ADGRD1: variants seen among roughly 807,000 people sequenced by gnomAD.
ADGRD1 encodes the protein G-protein coupled receptor 133.
A neutral mutation model predicts 113.4 loss-of-function variants in ADGRD1; 77 were observed. The observed-to-expected ratio is 0.68, with a 90% CI of 0.57 to 0.82. The LOEUF is 0.82. Ranked by LOEUF, ADGRD1 falls within the 40% of genes least tolerant of loss-of-function variation. The pLI is 0.00. For missense variants in ADGRD1, 1,036 were observed against 1,139.1 expected (o/e 0.91, Z 1.30); for synonymous variants, 474 against 475.0 (o/e 1.00, Z 0.03).
At position 131,112,011 on chromosome 12, in the gene ADGRD1, C is replaced by G. The variant is rs574623286; in HGVS notation, c.2041+3134C>G. Among the ~76,000 whole-genome samples, 3 of 152,246 alleles carry G rather than the reference C, an allele frequency of 2.0e-5. No individual in the cohort carries two copies. The South Asian group carries it at 6.2e-4, about 32-fold the overall frequency. ...CACTTTCTGGTTTCTTTGTATATCT[C>G]ATAGTTTTTTGTTGAAGACTTGTCA... On this transcript the variant is annotated intron_variant, in intron 18 of 24. Coordinates refer to ENST00000261654, the MANE Select transcript of ADGRD1 (RefSeq NM_198827.5).
At chr12:131,002,886 G>C in intron 9 of ADGRD1, 1 of 1,095,564 alleles carries the variant, frequency 9.1e-7, no homozygotes, top group Non-Finnish European at 1.2e-6. Flanking sequence ...TGAGTTCAGG[G>C]AGGAGGCAGG....
At chr12:131,079,878 A>G (rs1263037165) in intron 14 of ADGRD1, among the ~76,000 whole-genome samples, 2 of 152,044 alleles carry the variant, frequency 1.3e-5, no homozygotes, top group Non-Finnish European at 2.9e-5. Context: ...AGTCACTCTT[A>G]CTATAGGTTT....
intron 13 of ADGRD1, among the ~76,000 whole-genome samples, chr12:131,061,337 T>C (rs1884309224): frequency 6.6e-6 from 1 of 152,112 alleles, no homozygotes; most frequent in African/African-American, 2.4e-5. Flanking sequence ...TCACCTGCCG[T>C]CCCCGTCACA....
intron 15 of ADGRD1, among the ~76,000 whole-genome samples, chr12:131,091,450 C>G (rs541315839): frequency 1.1e-4 from 16 of 152,152 alleles, no homozygotes; most frequent in African/African-American, 3.9e-4. Context: ...GATGAAGTCA[C>G]GAAACGCGGT....
At chr12:131,114,412 G>C (rs1056447951) in intron 18 of ADGRD1, among the ~76,000 whole-genome samples, 2 of 152,178 alleles carry the variant, frequency 1.3e-5, no homozygotes, top group African/African-American at 4.8e-5. Flanking sequence ...CCCTGACACA[G>C]CTCTTGCAAA....
chr12:131,067,609 T>C (rs1444328935), intron 13 of ADGRD1, among the ~76,000 whole-genome samples: 4 of 139,020 alleles, frequency 2.9e-5, no homozygotes, highest in African/African-American at 1.1e-4. Flanking sequence ...CTCCTATATG[T>C]CTGATCGCTG....
At chr12:131,018,629 C>G (rs1878933150) in intron 13 of ADGRD1, among the ~76,000 whole-genome samples, 1 of 152,248 alleles carries the variant, frequency 6.6e-6, no homozygotes, top group African/African-American at 2.4e-5. Flanking sequence ...ATGACCGGTG[C>G]AAAATAAAAT....
rs1872112731 is a variant in ADGRD1, at chr12:130,974,800, TGTGGCC to T, written c.310+3221_310+3226del. Among the ~76,000 whole-genome samples the T allele has an allele frequency of 8.7e-4, 7 of 8,068 alleles. No individual in the cohort carries two copies. In the Non-Finnish European group the frequency reaches 0.017, roughly 20 times the overall value. The allele number at this position is 8,068 out of a possible 152,430, so 5.3% of individuals were successfully genotyped here. ...GCCCATAGAAGGCAGAGGTCCCTGC[TGTGGCC>T]CTGCTCCGGACCCCCGCTCCCGGCC... On this transcript the variant is annotated intron_variant, in intron 4 of 24. Transcript: ENST00000261654.
chr12:131,120,251 T>G (rs1950560772), intron 19 of ADGRD1, among the ~76,000 whole-genome samples: 1 of 152,180 alleles, frequency 6.6e-6, no homozygotes, highest in South Asian at 2.1e-4. Context: ...TCTTCGGCTC[T>G]TGACAGTGCC....
intron 24 of ADGRD1, 116 bp from the exon 25 acceptor site, chr12:131,139,052 C>G (rs764716861): frequency 8.2e-6 from 6 of 732,900 alleles, no homozygotes; most frequent in Non-Finnish European, 1.2e-5. Context: ...TGCACCTTTC[C>G]TCCCGCAGGG....
intron 20 of ADGRD1, among the ~76,000 whole-genome samples, chr12:131,126,874 C>G (rs943657096): frequency 1.7e-4 from 26 of 152,088 alleles, no homozygotes; most frequent in African/African-American, 6.3e-4. Context: ...TGTGGGTGTA[C>G]CATACAGCAA....
chr12:131,104,498 T>C (rs942945831), intron 15 of ADGRD1, among the ~76,000 whole-genome samples: 2 of 152,150 alleles, frequency 1.3e-5, no homozygotes, highest in African/African-American at 4.8e-5. Context: ...TGGGGCTGAC[T>C]GTTAGTCTGC....
chr12:131,007,611 C>T (rs1877300252), intron 12 of ADGRD1, among the ~76,000 whole-genome samples: 1 of 152,232 alleles, frequency 6.6e-6, no homozygotes, highest in Non-Finnish European at 1.5e-5. Flanking sequence ...AGGATGCAGG[C>T]CACTGTGTCC....
At chr12:131,126,787 G>GCTTA (rs1950746411) in intron 20 of ADGRD1, among the ~76,000 whole-genome samples, 1 of 152,146 alleles carries the variant, frequency 6.6e-6, no homozygotes, top group South Asian at 2.1e-4. Context: ...GTGGGGAGAT[G>GCTTA]CTTAGCTGCT....
intron 13 of ADGRD1, among the ~76,000 whole-genome samples, chr12:131,061,075 C>T (rs1294040525): frequency 6.6e-6 from 1 of 152,156 alleles, no homozygotes; most frequent in Non-Finnish European, 1.5e-5. Flanking sequence ...GCCCCCACTG[C>T]AGGCCTCAGA....
chr12:131,003,961 C>T lies in ADGRD1; in HGVS notation c.1145-225C>T, dbSNP rs965550366. On this transcript the variant is annotated intron_variant, in intron 10 of 24. Coordinates refer to ENST00000261654, the MANE Select transcript of ADGRD1 (RefSeq NM_198827.5). The surrounding 1 kb of genome is among the most constrained non-coding windows in gnomAD (Gnocchi z 4.8). The stretch of plus-strand genomic sequence containing the variant: ...CGCCCCAGGTGAGGAGCCGCGCGCC[C>T]GTGGGCCGGAATGCTGAGCCTCCCC... 2.0e-5 allele frequency among the ~76,000 whole-genome samples: 3 copies of T among 150,700 alleles called. No homozygotes were observed. Among genetic ancestry groups the T allele is most frequent in the Middle Eastern group, 3.6e-3 (1 of 280 alleles).
At chr12:131,012,875 C>G (rs570844504) in intron 12 of ADGRD1, among the ~76,000 whole-genome samples, 2 of 152,310 alleles carry the variant, frequency 1.3e-5, no homozygotes, top group African/African-American at 2.4e-5. Flanking sequence ...GAGGCCCACA[C>G]AGAAGCAGAC....
Position 131,105,568 on chromosome 12 carries a change from T to G in ADGRD1, c.1776-186T>G, listed in dbSNP as rs540226583. ...CAGACTGTGTAGGGCTGTGTGGGCA[T>G]GGAAGGAGCTGGGGTCAGATCCAAG... On this transcript the variant is annotated intron_variant, in intron 16 of 24. Coordinates refer to ENST00000261654, the MANE Select transcript of ADGRD1 (RefSeq NM_198827.5). Among the ~76,000 whole-genome samples, 4 of 152,136 alleles carry G rather than the reference T, an allele frequency of 2.6e-5. No homozygotes were observed. The East Asian group carries it at 7.7e-4, about 29-fold the overall frequency.
chr12:131,120,133 A>G (rs1950558257), intron 19 of ADGRD1, among the ~76,000 whole-genome samples: 1 of 152,224 alleles, frequency 6.6e-6, no homozygotes, highest in South Asian at 2.1e-4. Flanking sequence ...GAGACACCAC[A>G]TTGGGTGCCA....
Sources: allele counts gnomAD v4.1 joint callset (sites outside exome capture counted in the v4.1 genomes callset), GRCh38; gene constraint gnomAD v4.1.1; non-coding constraint Gnocchi (gnomAD v3.1); transcripts MANE v1.5; gene names NCBI Gene and HGNC (gene_info 2026-07-23, HGNC 2026-07-21).